Variants in RALYL observed in about 807,000 individuals in gnomAD.
The protein encoded by RALYL is RNA-binding Raly-like protein.
In RALYL, 29 loss-of-function variants were observed where a neutral mutation model predicts 35.1. That is an observed-to-expected ratio of 0.83 (90% CI 0.61 to 1.13). The LOEUF is 1.13. Ranked by LOEUF, RALYL falls within the 50% of genes most tolerant of loss-of-function variation. The pLI, the probability that RALYL is intolerant of heterozygous loss-of-function variation, is 0.00. For synonymous variants in RALYL, 120 were observed against 127.6 expected (o/e 0.94, Z 0.40); for missense variants, 359 against 360.4 (o/e 1.00, Z 0.03).
chr8:84,415,170 T>TTTTTTTA (rs1554654347), intron 1 of RALYL, among the ~76,000 whole-genome samples: 2,619 of 151,318 alleles, frequency 0.017, 82 homozygotes, highest in African/African-American at 0.061. Context: ...GTTTTTTTTT[T>TTTTTTTA]TTTTTAATGG....
intron 4 of RALYL, among the ~76,000 whole-genome samples, chr8:84,809,026 G>C (rs1489907555): frequency 6.6e-6 from 1 of 152,084 alleles, no homozygotes; most frequent in Non-Finnish European, 1.5e-5. Context: ...GCTCTGGCTA[G>C]GACTTCCAGT....
chr8:84,777,283 A>G (rs1817057333), intron 3 of RALYL, among the ~76,000 whole-genome samples: 1 of 152,220 alleles, frequency 6.6e-6, no homozygotes, highest in Non-Finnish European at 1.5e-5. Context: ...ACTTGCTACC[A>G]TCTAAACAAC....
chr8:84,242,800 C>T (rs192251443), intron 1 of RALYL, among the ~76,000 whole-genome samples: 417 of 152,278 alleles, frequency 2.7e-3, no homozygotes, highest in Non-Finnish European at 4.5e-3. Flanking sequence ...TGTCTGTTCA[C>T]TCTTAAGATC....
At chr8:84,551,205 G>A (rs1028231536) in intron 2 of RALYL, among the ~76,000 whole-genome samples, 3 of 151,526 alleles carry the variant, frequency 2.0e-5, no homozygotes, top group African/African-American at 4.8e-5. Flanking sequence ...GAATATAAAC[G>A]GTACCTGGAA....
chr8:84,386,311 A>T (rs1859186079), intron 1 of RALYL, among the ~76,000 whole-genome samples: 1 of 151,954 alleles, frequency 6.6e-6, no homozygotes, highest in African/African-American at 2.4e-5. Flanking sequence ...TAGATATTTT[A>T]AAATTCAGCT....
intron 2 of RALYL, among the ~76,000 whole-genome samples, chr8:84,692,423 A>G (rs1441857988): frequency 2.0e-5 from 3 of 152,030 alleles, no homozygotes; most frequent in East Asian, 3.9e-4. Context: ...TTAAAGGGGT[A>G]TCACTTAGAA....
At chr8:84,429,131 A>G (rs1197936860) in intron 1 of RALYL, among the ~76,000 whole-genome samples, 3 of 152,172 alleles carry the variant, frequency 2.0e-5, no homozygotes, top group Non-Finnish European at 4.4e-5. Flanking sequence ...AGGAAGGGGC[A>G]CGAAAAAGCA....
intron 1 of RALYL, among the ~76,000 whole-genome samples, chr8:84,506,391 A>ATATTTC (rs66461658): frequency 2.3e-3 from 1 of 440 alleles, no homozygotes; most frequent in Non-Finnish European, 3.3e-3. Context: ...GATTACATCC[A>ATATTTC]TAAGTTAATT....
chr8:84,522,450 C>T lies in RALYL; in HGVS notation c.-23-6849C>T, dbSNP rs530878098. 7.2e-5 allele frequency among the ~76,000 whole-genome samples: 11 copies of T among 151,772 alleles called. No individual in the cohort carries two copies. In the South Asian group the frequency reaches 1.0e-3, roughly 14 times the overall value. ...ATTTTTAGTAGAGACGGGGTTTCAC[C>T]GTTTTAGCCGGGATAGTCTCGATCT... On this transcript the variant is annotated intron_variant, in intron 1 of 8. Coordinates refer to ENST00000521268, the MANE Select transcript of RALYL (RefSeq NM_173848.7).
chr8:84,399,953 C>G (rs1425262845), intron 1 of RALYL, among the ~76,000 whole-genome samples: 3 of 152,108 alleles, frequency 2.0e-5, no homozygotes, highest in Non-Finnish European at 2.9e-5. Context: ...CCTGTCTCTA[C>G]TAAAAATAGA....
At chr8:84,634,154 T>G (rs1564281204) in intron 2 of RALYL, among the ~76,000 whole-genome samples, 1 of 151,878 alleles carries the variant, frequency 6.6e-6, no homozygotes, top group Non-Finnish European at 1.5e-5. Flanking sequence ...GTATTCATGA[T>G]CTCCACATCT....
chr8:84,730,604 G>T (rs774447903), intron 2 of RALYL, among the ~76,000 whole-genome samples: 64 of 151,996 alleles, frequency 4.2e-4, no homozygotes, highest in African/African-American at 1.2e-3. Flanking sequence ...TGTCCCTGTT[G>T]GCAGACGACA....
At chr8:84,353,650 G>A (rs887098683) in intron 1 of RALYL, among the ~76,000 whole-genome samples, 1 of 150,068 alleles carries the variant, frequency 6.7e-6, no homozygotes, top group Admixed American at 6.6e-5. Flanking sequence ...GTCAAGATAT[G>A]TTACAAGGTG....
chr8:84,887,507 A>G, intron 7 of RALYL, 97 bp from the exon 8 acceptor site: 1 of 1,036,384 alleles, frequency 9.6e-7, no homozygotes, highest in Non-Finnish European at 1.4e-6. Context: ...TTAATAGCAT[A>G]TAGCGTTTAC....
At chr8:84,570,687 C>T (rs1320293707) in intron 2 of RALYL, among the ~76,000 whole-genome samples, 2 of 151,838 alleles carry the variant, frequency 1.3e-5, no homozygotes, top group Admixed American at 1.3e-4. Flanking sequence ...ATGCTTTCAA[C>T]TTTTCTCCAT....
At chr8:84,459,580 T>G (rs1156556933) in intron 1 of RALYL, among the ~76,000 whole-genome samples, 2 of 151,724 alleles carry the variant, frequency 1.3e-5, no homozygotes, top group East Asian at 3.9e-4. Context: ...TCCTTTGCAA[T>G]GGAGGAATGG....
chr8:84,891,003 G>A lies in RALYL; in HGVS notation c.858+3227G>A, dbSNP rs1475545355. 1.8e-4 allele frequency among the ~76,000 whole-genome samples: 28 copies of A among 152,096 alleles called. 1 individual carries two copies. Among genetic ancestry groups the A allele is most frequent in the Admixed American group, 1.7e-3 (26 of 15,262 alleles). On this transcript the variant is annotated intron_variant, in intron 8 of 8. Transcript: ENST00000521268. ...ATACCATTAAGGACTAGAGAAAGAG[G>A]AACTAAATGAATAAAAGAAAAACAA... is the stretch of plus-strand genomic sequence containing the variant.
At chr8:84,419,343 T>A (rs1174436263) in intron 1 of RALYL, among the ~76,000 whole-genome samples, 5 of 152,158 alleles carry the variant, frequency 3.3e-5, no homozygotes, top group Non-Finnish European at 7.4e-5. Flanking sequence ...AAACTCACTG[T>A]CTGCCATCAC....
chr8:84,759,541 A>G (rs550986567), intron 2 of RALYL, among the ~76,000 whole-genome samples: 72 of 152,282 alleles, frequency 4.7e-4, no homozygotes, highest in Non-Finnish European at 9.3e-4. Flanking sequence ...GTAAGATAAA[A>G]TTTTTACCTT....
Sources: allele counts gnomAD v4.1 joint callset (sites outside exome capture counted in the v4.1 genomes callset), GRCh38; gene constraint gnomAD v4.1.1; transcripts MANE v1.5; gene names NCBI Gene and HGNC (gene_info 2026-07-23, HGNC 2026-07-21).